Variants in CXCL13 observed in about 807,000 individuals in gnomAD.
CXCL13 encodes C-X-C motif chemokine 13.
Under a neutral mutation model 12.2 loss-of-function variants are expected in CXCL13, and 7 were observed. The ratio of observed to expected loss-of-function variants is 0.57; its 90% confidence interval spans 0.33 to 1.07. The LOEUF is 1.07. Ranked by LOEUF, CXCL13 falls within the 50% of genes least tolerant of loss-of-function variation. CXCL13 has a pLI of 0.04. For synonymous variants in CXCL13, 47 were observed against 42.4 expected, an observed-to-expected ratio of 1.11 and a Z score of -0.42; for missense variants, 113 against 127.4, an observed-to-expected ratio of 0.89 and a Z score of 0.55.
rs541371139 is a variant in CXCL13, at chr4:77,559,090, A to G, written c.-42-46734A>G. Among the ~76,000 whole-genome samples, 8 of 152,324 alleles carry G rather than the reference A, an allele frequency of 5.3e-5. No individual in the cohort carries two copies. In the South Asian group the frequency reaches 1.0e-3, roughly 20 times the overall value. ...TTCATCAACTGTGATTGTTTTAACA[A>G]CTAAACAACCATCTCACGCTGGGAT... On this transcript the variant is annotated intron_variant, in intron 1 of 4. Coordinates refer to the CXCL13 transcript ENST00000286758.
intron 1 of CXCL13, among the ~76,000 whole-genome samples, chr4:77,585,406 T>C (rs561735443): frequency 1.3e-5 from 2 of 152,334 alleles, no homozygotes; most frequent in East Asian, 1.9e-4. Context: ...GCTGATGTCA[T>C]TGGCTGCCAT....
chr4:77,574,565 C>T (rs953780787), intron 1 of CXCL13, among the ~76,000 whole-genome samples: 9 of 151,962 alleles, frequency 5.9e-5, no homozygotes, highest in Non-Finnish European at 1.2e-4. Context: ...TTACCACAGG[C>T]CAATATTTCT....
Position 77,524,008 on chromosome 4 carries a change from C to T in CXCL13, c.-43+12220C>T, listed in dbSNP as rs916690018. Among the ~76,000 whole-genome samples the T allele has an allele frequency of 2.3e-4, 35 of 152,318 alleles. No individual in the cohort carries two copies. The East Asian group carries it at 3.5e-3, about 15-fold the overall frequency. ...GTTGGAGTTTGCTGGAGGTCCACTC[C>T]AGACCCTGTTTTCCTGGGTATCTCC... On this transcript the variant is annotated intron_variant, in intron 1 of 4. Transcript: ENST00000286758.
Position 77,550,556 on chromosome 4 carries a change from A to C in CXCL13, c.-43+38768A>C. On this transcript the variant is annotated intron_variant, in intron 1 of 4. Transcript: ENST00000286758. ...TGTGGCCAAGCATGTGGTTGATTTAAGAATATGTTCTATTTGCAGATGAGA... is the reference window on the plus strand; with the variant it reads ...TGTGGCCAAGCATGTGGTTGATTTACGAATATGTTCTATTTGCAGATGAGA... Among the ~76,000 whole-genome samples the C allele has an allele frequency of 1.3e-5, 2 of 152,234 alleles. 1 individual carries two copies. The highest frequency in any genetic ancestry group is 3.8e-4 in the East Asian group (2 of 5,200).
At chr4:77,561,668 T>A (rs1052312305) in intron 1 of CXCL13, among the ~76,000 whole-genome samples, 4 of 152,184 alleles carry the variant, frequency 2.6e-5, no homozygotes, top group Non-Finnish European at 5.9e-5. Flanking sequence ...CATTCCAGAG[T>A]GCAGGGGCTG....
At chr4:77,560,201 A>G (rs760568346) in intron 1 of CXCL13, among the ~76,000 whole-genome samples, 43 of 152,308 alleles carry the variant, frequency 2.8e-4, no homozygotes, top group African/African-American at 9.9e-4. Flanking sequence ...CATCACTTCA[A>G]TTCTATTTTG....
At chr4:77,562,828 C>T (rs1212503203) in intron 1 of CXCL13, among the ~76,000 whole-genome samples, 1 of 152,124 alleles carries the variant, frequency 6.6e-6, no homozygotes, top group Non-Finnish European at 1.5e-5. Flanking sequence ...TCAATCAGCA[C>T]TCTGTCAAAA....
chr4:77,533,648 T>C (rs1474155525), intron 1 of CXCL13, among the ~76,000 whole-genome samples: 1 of 152,176 alleles, frequency 6.6e-6, no homozygotes, highest in Admixed American at 6.5e-5. Context: ...TCTATAGCGG[T>C]AGGCAGGCCT....
intron 1 of CXCL13, among the ~76,000 whole-genome samples, chr4:77,524,946 A>G (rs948543584): frequency 6.6e-6 from 1 of 152,234 alleles, no homozygotes; most frequent in Non-Finnish European, 1.5e-5. Context: ...AGATTATGCT[A>G]TGGTTTGAAT....
chr4:77,577,229 C>T (rs1363410317), intron 1 of CXCL13, among the ~76,000 whole-genome samples: 1 of 152,122 alleles, frequency 6.6e-6, no homozygotes, highest in Non-Finnish European at 1.5e-5. Context: ...CTTAGCAAGC[C>T]TCCTTAACCA....
intron 1 of CXCL13, among the ~76,000 whole-genome samples, chr4:77,566,356 T>C (rs1222578519): frequency 6.6e-6 from 1 of 152,192 alleles, no homozygotes; most frequent in Non-Finnish European, 1.5e-5. Context: ...AGCAAACCAT[T>C]GCACAAAACT....
chr4:77,533,417 G>A (rs945607228), intron 1 of CXCL13, among the ~76,000 whole-genome samples: 6 of 152,126 alleles, frequency 3.9e-5, no homozygotes, highest in South Asian at 4.1e-4. Context: ...AGGAGTACCC[G>A]GCCATGTGAG....
chr4:77,573,624 A>T lies in CXCL13; in HGVS notation c.-42-32200A>T, dbSNP rs569702718. On this transcript the variant is annotated intron_variant, in intron 1 of 4. Coordinates refer to the CXCL13 transcript ENST00000286758. ...GCCAAAGAAGATATTCTTTTATTTTAAAAAAAATTGGCCAATTCAGATGTT... is the reference window on the plus strand; with the variant it reads ...GCCAAAGAAGATATTCTTTTATTTTTAAAAAAATTGGCCAATTCAGATGTT... Among the ~76,000 whole-genome samples, 23 of 148,094 alleles carry T rather than the reference A, an allele frequency of 1.6e-4. 1 individual carries two copies. The East Asian group carries it at 1.8e-3, about 11-fold the overall frequency.
chr4:77,590,321 T>C (rs1413346303), intron 1 of CXCL13, among the ~76,000 whole-genome samples: 1 of 152,136 alleles, frequency 6.6e-6, no homozygotes, highest in African/African-American at 2.4e-5. Context: ...CCCAGCAGCG[T>C]AATAAGTGAG....
At chr4:77,588,744 G>A (rs1459597517) in intron 1 of CXCL13, among the ~76,000 whole-genome samples, 1 of 151,952 alleles carries the variant, frequency 6.6e-6, no homozygotes, top group East Asian at 1.9e-4. Flanking sequence ...TTCTTTTCCT[G>A]GATTAATTTC....
chr4:77,557,350 C>T (rs1725683533), intron 1 of CXCL13, among the ~76,000 whole-genome samples: 2 of 152,176 alleles, frequency 1.3e-5, no homozygotes, highest in Non-Finnish European at 2.9e-5. Context: ...TGCAAGGCTG[C>T]TGCAGGGGGC....
intron 1 of CXCL13, among the ~76,000 whole-genome samples, chr4:77,535,946 AATT>A (rs1440202948): frequency 6.6e-6 from 1 of 152,136 alleles, no homozygotes; most frequent in Non-Finnish European, 1.5e-5. Flanking sequence ...ATCATAATAA[AATT>A]ATTATTTTAT....
At chr4:77,528,288 T>C (rs1438362756) in intron 1 of CXCL13, among the ~76,000 whole-genome samples, 2 of 152,238 alleles carry the variant, frequency 1.3e-5, no homozygotes, top group Admixed American at 1.3e-4. Context: ...CTTGGGTATA[T>C]ATCCAGTAAT....
intron 1 of CXCL13, among the ~76,000 whole-genome samples, chr4:77,537,177 T>C (rs1157634684): frequency 6.6e-6 from 1 of 152,190 alleles, no homozygotes; most frequent in Admixed American, 6.5e-5. Context: ...CTGCAAGGGA[T>C]AGTTTATTAC....
Sources: gnomAD v4.1 joint callset for allele counts (sites outside exome capture counted in the v4.1 genomes callset) on GRCh38, gnomAD v4.1.1 for gene constraint, MANE v1.5 for transcripts, NCBI Gene and HGNC (gene_info 2026-07-23, HGNC 2026-07-21) for gene names.